SPATA22: variants seen among roughly 807,000 people sequenced by gnomAD.
SPATA22 encodes the protein spermatogenesis associated 22.
Under a neutral mutation model 47.8 loss-of-function variants are expected in SPATA22, and 29 were observed. The observed-to-expected ratio is 0.61, with a 90% CI of 0.45 to 0.83. The LOEUF is 0.83. Among genes scored for constraint, SPATA22 ranks in the 40% least tolerant of loss-of-function variants. The pLI, the probability that SPATA22 is intolerant of heterozygous loss-of-function variation, is 0.00. For synonymous variants in SPATA22, 133 were observed against 140.9 expected, an observed-to-expected ratio of 0.94 and a Z score of 0.40; for missense variants, 410 against 421.7, an observed-to-expected ratio of 0.97 and a Z score of 0.24.
At position 3,490,901 on chromosome 17, in the gene SPATA22, G is replaced by A. The variant is rs1378335399; in HGVS notation, c.-73-21503C>T. The stretch of plus-strand genomic sequence containing the variant: ...TCTGCTTCAACCAGAGCTCTTCTGT[G>A]TAACATTTCATTTAAGCAAAGGATT... On this transcript the variant is annotated intron_variant, in intron 1 of 8. Transcript: ENST00000541913. This position sits in a 1 kb window ranked among gnomAD's most constrained non-coding sequence, Gnocchi z 4.6. 6.6e-6 allele frequency among the ~76,000 whole-genome samples: 1 copy of A among 152,096 alleles called. No individual in the cohort carries two copies. The highest frequency in any genetic ancestry group is 1.5e-5 in the Non-Finnish European group (1 of 68,014).
intron 1 of SPATA22, chr17:3,481,544 T>C (rs2073626562): frequency 6.8e-7 from 1 of 1,476,062 alleles, no homozygotes; most frequent in African/African-American, 1.4e-5. Flanking sequence ...GTTCTTATTA[T>C]ATGTTTATAT....
At chr17:3,500,138 G>A (rs752713205) in intron 1 of SPATA22, 2 of 152,278 alleles carry the variant, frequency 1.3e-5, no homozygotes, top group Non-Finnish European at 2.9e-5. Flanking sequence ...TGAGAGAGGT[G>A]AGGAAGCTGC....
Position 3,464,891 on chromosome 17 carries a change from G to T in SPATA22, c.173-2124C>A, listed in dbSNP as rs1281750073. ...GCCACCCCGTCTGGGAGGGGGGTGG[G>T]GGGGGGTCAGCCCCCCACCCGGCCA... is the stretch of plus-strand genomic sequence containing the variant. On this transcript the variant is annotated intron_variant, in intron 3 of 8. Transcript: ENST00000572969. Among the ~76,000 whole-genome samples, 2 of 92,192 alleles carry T rather than the reference G, an allele frequency of 2.2e-5. 1 individual carries two copies. The highest frequency in any genetic ancestry group is 6.4e-5 in the Non-Finnish European group (2 of 31,490). The allele number at this position is 92,192 out of a possible 152,430, so 60.5% of individuals were successfully genotyped here. A position where few individuals can be genotyped will look rare whatever the true frequency, so the allele number is the denominator to read the frequency against.
chr17:3,477,154 C>CAA (rs550572057), intron 1 of SPATA22, among the ~76,000 whole-genome samples: 1 of 151,750 alleles, frequency 6.6e-6, no homozygotes, highest in African/African-American at 2.4e-5. Context: ...GACTCCGTCT[C>CAA]AAAAAAATAA....
Position 3,462,539 on chromosome 17 carries a change from T to C in SPATA22, c.273A>G (p.Gln91=), listed in dbSNP as rs1299209822. The C allele has an allele frequency of 6.8e-6, 11 of 1,613,486 alleles. No homozygotes were observed. The highest frequency in any genetic ancestry group is 1.7e-5 in the Admixed American group (1 of 59,952). ...PHSVSRPLRS[Q]DSVFNSIQSN... ...ATTGAATAGAGTTAAAGACAGAATCTTGACTTCTCAGAGGACGAGAAACTG... is the reference window on the plus strand; with the variant it reads ...ATTGAATAGAGTTAAAGACAGAATCCTGACTTCTCAGAGGACGAGAAACTG... The change falls in exon 5 of 9, where the codon CAA becomes CAG. Residue 91 remains glutamine (Q), a synonymous_variant. Transcript: ENST00000572969.
chr17:3,448,210 G>T (rs960464997), intron 6 of SPATA22, among the ~76,000 whole-genome samples: 1 of 152,140 alleles, frequency 6.6e-6, no homozygotes, highest in East Asian at 1.9e-4. Flanking sequence ...AGGTAGACTA[G>T]GACAAGATCA....
At chr17:3,470,819 T>G (rs1205019039) in intron 1 of SPATA22, among the ~76,000 whole-genome samples, 2 of 151,038 alleles carry the variant, frequency 1.3e-5, no homozygotes. Context: ...TGTTTCCACA[T>G]CTTAGGCTTG....
chr17:3,485,138 C>A lies in SPATA22; in HGVS notation c.-73-15740G>T, dbSNP rs1235194034. On this transcript the variant is annotated intron_variant, in intron 1 of 8. Coordinates refer to the SPATA22 transcript ENST00000541913. This position sits in a 1 kb window ranked among gnomAD's most constrained non-coding sequence, Gnocchi z 4.4. ...GGCTCAGGCAATCCTCCCATCTCAGCCTCCCAAGTAGCTTGAACTACAGGC... is the reference window on the plus strand; with the variant it reads ...GGCTCAGGCAATCCTCCCATCTCAGACTCCCAAGTAGCTTGAACTACAGGC... Among the ~76,000 whole-genome samples, 2 of 152,148 alleles carry A rather than the reference C, an allele frequency of 1.3e-5. No homozygotes were observed. Among genetic ancestry groups the A allele is most frequent in the African/African-American group, 4.8e-5 (2 of 41,422 alleles).
chr17:3,474,786 T>A (rs1170032558), upstream of SPATA22, among the ~76,000 whole-genome samples: 1 of 152,226 alleles, frequency 6.6e-6, no homozygotes, highest in Non-Finnish European at 1.5e-5. Flanking sequence ...TGGCTGTTTA[T>A]GTGAATTCTG....
At chr17:3,450,407 C>T (rs1430640060) in intron 5 of SPATA22, among the ~76,000 whole-genome samples, 1 of 152,160 alleles carries the variant, frequency 6.6e-6, no homozygotes, top group East Asian at 1.9e-4. Context: ...ATAAACACCA[C>T]AAACATCACG....
chr17:3,489,409 G>A lies in SPATA22; in HGVS notation c.-73-20011C>T. Reference sequence around the variant, plus strand: ...AACATTTAAATAACAATTGGAACCTGGGTCAGATTTGCCATGCTAAAGATA... The same window carrying A: ...AACATTTAAATAACAATTGGAACCTAGGTCAGATTTGCCATGCTAAAGATA... On this transcript the variant is annotated intron_variant, in intron 1 of 8. Transcript: ENST00000541913. The A allele has an allele frequency of 1.3e-5, 17 of 1,338,942 alleles. No homozygotes were observed. The highest frequency in any genetic ancestry group is 1.8e-5 in the Non-Finnish European group (17 of 932,318). 82.9% of individuals were successfully genotyped at this position (1,338,942 alleles called of 1,614,324 possible).
At chr17:3,445,088 TTAA>T (rs2072698404) in intron 7 of SPATA22, among the ~76,000 whole-genome samples, 1 of 152,096 alleles carries the variant, frequency 6.6e-6, no homozygotes, top group Non-Finnish European at 1.5e-5. Context: ...TCAGGTTATT[TTAA>T]TATTTATATT....
chr17:3,486,305 T>C (rs1038154483), intron 1 of SPATA22, among the ~76,000 whole-genome samples: 3 of 152,206 alleles, frequency 2.0e-5, no homozygotes, highest in Non-Finnish European at 4.4e-5. Flanking sequence ...CATTCCTAAC[T>C]TCCAAGGCTG....
chr17:3,447,731 G>A (rs1377722999), intron 6 of SPATA22, among the ~76,000 whole-genome samples: 1 of 152,184 alleles, frequency 6.6e-6, no homozygotes, highest in East Asian at 1.9e-4. Flanking sequence ...GCCCAGGAAA[G>A]CTATACTCAT....
chr17:3,443,079 AT>A, intron 8 of SPATA22, 94 bp downstream of exon 8: 1 of 877,774 alleles, frequency 1.1e-6, no homozygotes, highest in Non-Finnish European at 1.7e-6. Flanking sequence ...AAAGTACTAA[AT>A]TGTTAACAGA....
intron 5 of SPATA22, among the ~76,000 whole-genome samples, chr17:3,453,588 G>C (rs763126236): frequency 2.0e-5 from 3 of 152,002 alleles, no homozygotes; most frequent in African/African-American, 7.3e-5. Context: ...CCAGTACGAC[G>C]CAAGGATGCC....
At chr17:3,495,951 A>T (rs1055695256) in intron 1 of SPATA22, among the ~76,000 whole-genome samples, 1 of 152,188 alleles carries the variant, frequency 6.6e-6, no homozygotes, top group African/African-American at 2.4e-5. Context: ...CAAGTACAAG[A>T]AACAGAGGCC....
chr17:3,504,705 G>A (rs768737505), intron 1 of SPATA22, among the ~76,000 whole-genome samples: 1 of 152,028 alleles, frequency 6.6e-6, no homozygotes, highest in Admixed American at 6.6e-5. Flanking sequence ...TTATAGGCAT[G>A]CGCCACCACG....
At chr17:3,513,801 G>T in exon 1 of SPATA22, 1 of 861,270 alleles carries the variant, frequency 1.2e-6, no homozygotes, top group Non-Finnish European at 1.9e-6. Flanking sequence ...GGTGCACTCT[G>T]CTTCTAGGCC....
Sources: gnomAD v4.1 joint callset for allele counts (sites outside exome capture counted in the v4.1 genomes callset) on GRCh38, gnomAD v4.1.1 for gene constraint, Gnocchi (gnomAD v3.1) non-coding constraint, MANE v1.5 for transcripts, NCBI Gene and HGNC (gene_info 2026-07-23, HGNC 2026-07-21) for gene names.